LONP2: variants seen among roughly 807,000 people sequenced by gnomAD.
LONP2 encodes lon protease homolog 2, peroxisomal.
LONP2 carries 60 observed loss-of-function variants against 85.6 expected under a neutral mutation model. The ratio of observed to expected loss-of-function variants is 0.70; its 90% confidence interval spans 0.57 to 0.87. LONP2 has a LOEUF of 0.87. Among genes scored for constraint, LONP2 ranks in the 40% least tolerant of loss-of-function variants. LONP2 has a pLI of 0.00. For synonymous variants in LONP2, 395 were observed against 389.7 expected (o/e 1.01, Z -0.16); for missense variants, 860 against 1,063.5 (o/e 0.81, Z 2.66).
intron 11 of LONP2, among the ~76,000 whole-genome samples, chr16:48,324,217 C>T (rs1386532132): frequency 4.6e-5 from 7 of 152,260 alleles, no homozygotes; most frequent in East Asian, 1.9e-4. Context: ...GAAAGCCACT[C>T]GAAATCTCAG....
intron 1 of LONP2, among the ~76,000 whole-genome samples, chr16:48,245,096 T>C (rs1432864803): frequency 1.3e-5 from 2 of 152,124 alleles, no homozygotes; most frequent in Non-Finnish European, 2.9e-5. Flanking sequence ...GCTCCGTGAG[T>C]TTTAACTTTT....
chr16:48,285,810 AG>A (rs1348909152), intron 8 of LONP2, among the ~76,000 whole-genome samples: 2 of 152,156 alleles, frequency 1.3e-5, no homozygotes, highest in Non-Finnish European at 2.9e-5. Context: ...TAACAGAAAA[AG>A]TCCCATTTTT....
In LONP2 at chr16:48,256,780, C is replaced by T. The variant is rs779388049; in HGVS notation, c.600+39C>T. 3.1e-6 allele frequency: 5 copies of T among 1,602,320 alleles called. No homozygotes were observed. In the Admixed American group the frequency reaches 5.2e-5, roughly 17 times the overall value. ...TTTTGAACGCCAGGTTGCTTTGTCA[C>T]TTTTTATTGAGATCTAGATAGTGAG... On this transcript the variant is annotated intron_variant, in intron 3 of 14. Coordinates refer to ENST00000285737, the MANE Select transcript of LONP2 (RefSeq NM_031490.5).
intron 9 of LONP2, among the ~76,000 whole-genome samples, chr16:48,296,973 G>A (rs921894642): frequency 1.1e-4 from 16 of 150,960 alleles, no homozygotes; most frequent in African/African-American, 3.9e-4. Context: ...ATATCACTGA[G>A]TTTTTTTTTA....
intron 11 of LONP2, among the ~76,000 whole-genome samples, chr16:48,315,910 A>AT (rs988871583): frequency 8.9e-6 from 1 of 112,676 alleles, no homozygotes; most frequent in African/African-American, 3.4e-5. Flanking sequence ...GCTTTCTTCT[A>AT]TTTTTTTGTG....
chr16:48,296,855 T>G (rs1387681934), intron 9 of LONP2, among the ~76,000 whole-genome samples: 3 of 152,198 alleles, frequency 2.0e-5, no homozygotes, highest in Non-Finnish European at 2.9e-5. Flanking sequence ...GTCTTCCCTG[T>G]CACTGGAGCG....
At chr16:48,254,144 A>G (rs1160938204) in intron 2 of LONP2, among the ~76,000 whole-genome samples, 2 of 152,162 alleles carry the variant, frequency 1.3e-5, no homozygotes, top group Non-Finnish European at 2.9e-5. Context: ...CTTGAGTAAA[A>G]GACTTTAATG....
At chr16:48,269,905 C>G in intron 6 of LONP2, 111 bp from the exon 7 acceptor site, 1 of 1,104,542 alleles carries the variant, frequency 9.1e-7, no homozygotes, top group Non-Finnish European at 1.3e-6. Flanking sequence ...CAAGTCTGTT[C>G]TTATCACATC....
rs1345761903 is a variant in LONP2 at position 48,329,420 on chromosome 16, G to A, written c.1796-4796G>A. ...AGCCATCTCACTTACCAGATCAACT[G>A]TCTTGGTTTCAGGGTGTTTGTGTTC... On this transcript the variant is annotated intron_variant, in intron 11 of 14. Coordinates refer to ENST00000285737, the MANE Select transcript of LONP2 (RefSeq NM_031490.5). Among the ~76,000 whole-genome samples the A allele has an allele frequency of 3.9e-5, 6 of 152,262 alleles. No individual in the cohort carries two copies. In the East Asian group the frequency reaches 1.2e-3, roughly 29 times the overall value.
At position 48,244,554 on chromosome 16, in the gene LONP2, A is replaced by G. The variant is rs1332463820; in HGVS notation, c.166A>G (p.Ile56Val). ...GAAGGGCACGTCGCTGCAAAGCACCATCCTGGGCGTCATCCCCAACACGCC... is the reference window on the plus strand; with the variant it reads ...GAAGGGCACGTCGCTGCAAAGCACCGTCCTGGGCGTCATCCCCAACACGCC... ...LLKGTSLQST[I>V]LGVIPNTPDP... is the part of the protein sequence containing the mutation. Residue 56 changes from isoleucine to valine, a missense_variant, in exon 1 of 15, where the codon ATC becomes GTC. By Grantham distance (29) the Ile-to-Val change is conservative. This residue lies in a region of LONP2 where 743 missense variants were observed against 917.3 expected (regional missense o/e 0.81). Coordinates refer to ENST00000285737, the MANE Select transcript of LONP2 (RefSeq NM_031490.5). The G allele has an allele frequency of 1.9e-6, 3 of 1,541,212 alleles. No homozygotes were observed. In the South Asian group the frequency reaches 3.6e-5, roughly 19 times the overall value.
chr16:48,351,850 G>A lies in LONP2; in HGVS notation c.*48G>A, dbSNP rs1331048756. ...ATTTTAAGTTATGAAGTGCTCAAAGGTACTGACACAGTTGATTTTATTCAC... is the reference window on the plus strand; with the variant it reads ...ATTTTAAGTTATGAAGTGCTCAAAGATACTGACACAGTTGATTTTATTCAC... On this transcript the variant is annotated 3_prime_UTR_variant, in exon 15 of 15. Coordinates refer to ENST00000285737, the MANE Select transcript of LONP2 (RefSeq NM_031490.5). 2.0e-6 allele frequency: 3 copies of A among 1,464,964 alleles called. No individual in the cohort carries two copies. The African/African-American group carries it at 4.2e-5, about 21-fold the overall frequency. The allele number at this position is 1,464,964 out of a possible 1,614,324, so 90.7% of individuals were successfully genotyped here.
chr16:48,334,513 G>T (rs1959578508), intron 12 of LONP2, 155 bp downstream of exon 12: 2 of 874,942 alleles, frequency 2.3e-6, no homozygotes, highest in Middle Eastern at 2.3e-4. Context: ...TGGTGTGGCC[G>T]CACTTCTTGC....
chr16:48,266,766 C>T (rs1971998367), intron 6 of LONP2, among the ~76,000 whole-genome samples: 1 of 151,910 alleles, frequency 6.6e-6, no homozygotes, highest in Admixed American at 6.6e-5. Flanking sequence ...TGTTGATAGA[C>T]ATTTGGGTTG....
Position 48,290,163 on chromosome 16 carries a change from G to A in LONP2, c.1384-5852G>A, listed in dbSNP as rs116062061. 3.2e-3 allele frequency among the ~76,000 whole-genome samples: 482 copies of A among 151,980 alleles called. 3 individuals carry two copies. Among genetic ancestry groups the A allele is most frequent in the African/African-American group, 0.011 (451 of 41,428 alleles). On this transcript the variant is annotated intron_variant, in intron 8 of 14. Transcript: ENST00000285737. The stretch of plus-strand genomic sequence containing the variant: ...TGAATTGTATCTCTTAATTTTTCCC[G>A]TATTTATCCCCTACATGTCTCTAAA...
At chr16:48,292,198 T>G (rs1296111250) in intron 8 of LONP2, among the ~76,000 whole-genome samples, 1 of 152,160 alleles carries the variant, frequency 6.6e-6, no homozygotes, top group Non-Finnish European at 1.5e-5. Flanking sequence ...TGCATTTGTC[T>G]CAGGTGAGCA....
intron 1 of LONP2, among the ~76,000 whole-genome samples, chr16:48,249,686 G>A (rs969831457): frequency 1.3e-5 from 2 of 151,704 alleles, no homozygotes; most frequent in African/African-American, 4.8e-5. Context: ...GATCAGCCTG[G>A]TCAACATCAT....
intron 1 of LONP2, chr16:48,247,511 G>A (rs1424803894): frequency 6.6e-6 from 1 of 152,332 alleles, no homozygotes; most frequent in Non-Finnish European, 1.5e-5. Flanking sequence ...GTTTTGAGTA[G>A]TACAGTCCCT....
At chr16:48,340,548 G>A (rs911112098) in intron 12 of LONP2, among the ~76,000 whole-genome samples, 6 of 152,160 alleles carry the variant, frequency 3.9e-5, no homozygotes, top group African/African-American at 1.4e-4. Flanking sequence ...TACTGACCTA[G>A]CAAACTGGCA....
downstream of LONP2, chr16:48,361,303 G>T: frequency 2.9e-6 from 1 of 349,132 alleles, no homozygotes. Flanking sequence ...ACAAAACTCA[G>T]AATTATTTTA....
Sources: gnomAD v4.1 joint callset for allele counts (sites outside exome capture counted in the v4.1 genomes callset) on GRCh38, gnomAD v4.1.1 for gene constraint, gnomAD v4.1.1 regional missense constraint, MANE v1.5 for transcripts, NCBI Gene and HGNC (gene_info 2026-07-23, HGNC 2026-07-21) for gene names.